LRAT: variants seen among roughly 807,000 people sequenced by gnomAD.
The protein encoded by LRAT is lecithin retinol acyltransferase.
In LRAT, 11 loss-of-function variants were observed where a neutral mutation model predicts 14.2. That is an observed-to-expected ratio of 0.78 (90% CI 0.49 to 1.29). The LOEUF is 1.29. LRAT is among the 50% of genes most tolerant of loss of function. The pLI, the probability that LRAT is intolerant of heterozygous loss-of-function variation, is 0.00. For synonymous variants in LRAT, 144 were observed against 124.8 expected, an observed-to-expected ratio of 1.15 and a Z score of -1.03; for missense variants, 274 against 292.4, an observed-to-expected ratio of 0.94 and a Z score of 0.46.
At chr4:154,743,239 G>T (rs1008386778), upstream of LRAT, among the ~76,000 whole-genome samples, 1 of 151,580 alleles carries the variant, frequency 6.6e-6, no homozygotes, top group Admixed American at 6.6e-5. Context: ...TAATCCCAGC[G>T]GTTTGGGAGG....
At position 154,753,055 on chromosome 4, in the gene LRAT, C is replaced by A. The variant is rs1265553077; in HGVS notation, c.*3919C>A. 6.6e-6 allele frequency: 1 copy of A among 152,152 alleles called. No individual in the cohort carries two copies. The highest frequency in any genetic ancestry group is 1.5e-5 in the Non-Finnish European group (1 of 68,024). The allele number at this position is 152,152 out of a possible 1,614,324, so 9.4% of individuals were successfully genotyped here. On this transcript the variant is annotated 3_prime_UTR_variant, in exon 3 of 3. Transcript: ENST00000336356. ...ATTTAGAGTTTTAACCAACCTAGAT[C>A]TGTCAGCTAAGCTAATTTTATATTT...
At chr4:154,748,921 G>GA (rs1283202039) in intron 2 of LRAT, 63 bp from the exon 3 acceptor site, 22 of 1,447,818 alleles carry the variant, frequency 1.5e-5, no homozygotes, top group South Asian at 4.6e-5. Flanking sequence ...TTTACTGTTT[G>GA]ATATATGTGA....
In LRAT at chr4:154,749,146, C is replaced by G; in HGVS notation, c.*10C>G. ...ATGGATGGCTGGCTAACTTCATACCCCCATGTCAGTGTGTGTATTCTGTAT... is the reference window on the plus strand; with the variant it reads ...ATGGATGGCTGGCTAACTTCATACCGCCATGTCAGTGTGTGTATTCTGTAT... On this transcript the variant is annotated 3_prime_UTR_variant, in exon 3 of 3. Coordinates refer to ENST00000336356, the MANE Select transcript of LRAT (RefSeq NM_004744.5). 1 of 1,611,634 alleles carries G rather than the reference C, an allele frequency of 6.2e-7. No individual in the cohort carries two copies. The highest frequency in any genetic ancestry group is 8.5e-7 in the Non-Finnish European group (1 of 1,177,936).
At chr4:154,746,311 A>G (rs1732884436) in intron 2 of LRAT, among the ~76,000 whole-genome samples, 2 of 152,086 alleles carry the variant, frequency 1.3e-5, no homozygotes, top group Admixed American at 6.6e-5. Context: ...ATTGCTCCAC[A>G]TCTTGGTTAA....
Position 154,744,823 on chromosome 4 carries a change from C to T in LRAT, c.497C>T (p.Thr166Ile), listed in dbSNP as rs749900934. The T allele has an allele frequency of 6.2e-7, 1 of 1,613,892 alleles. No homozygotes were observed. Among genetic ancestry groups the T allele is most frequent in the Admixed American group, 1.7e-5 (1 of 60,024 alleles). ...LLWNNCEHFVTYCRYGTPISP... is the reference protein window; with the variant it reads ...LLWNNCEHFVIYCRYGTPISP... ...TGGAACAACTGCGAGCACTTCGTGA[C>T]CTACTGCAGATATGGCACCCCGATC... Residue 166 changes from threonine to isoleucine, a missense_variant, in exon 2 of 3, where the codon ACC becomes ATC. Physicochemically the swap from Thr to Ile is moderately conservative, Grantham distance 89. Coordinates refer to ENST00000336356, the MANE Select transcript of LRAT (RefSeq NM_004744.5).
intron 2 of LRAT, among the ~76,000 whole-genome samples, chr4:154,745,213 G>A (rs1560871547): frequency 1.3e-5 from 2 of 151,696 alleles, no homozygotes; most frequent in Non-Finnish European, 2.9e-5. Flanking sequence ...AGTAGAGATG[G>A]GGTTTCACCG....
chr4:154,741,597 G>A (rs1019051126), upstream of LRAT, among the ~76,000 whole-genome samples: 5 of 151,990 alleles, frequency 3.3e-5, no homozygotes, highest in African/African-American at 1.2e-4. Context: ...GCCTCGTATC[G>A]CTCTCACCTC....
At position 154,744,000 on chromosome 4, in the gene LRAT, G is replaced by A. The variant is rs557678033; in HGVS notation, c.-224G>A. 23 of 364,430 alleles carry A rather than the reference G, an allele frequency of 6.3e-5. No individual in the cohort carries two copies. The highest frequency in any genetic ancestry group is 1.0e-4 in the Non-Finnish European group (20 of 194,576). 22.6% of individuals were successfully genotyped at this position (364,430 alleles called of 1,614,324 possible). A position where few individuals can be genotyped will look rare whatever the true frequency, so the allele number is the denominator to read the frequency against. The stretch of plus-strand genomic sequence containing the variant: ...AAGTCGCAGCGAAGCCTGCACCTCC[G>A]AGCACCGCGCGCGGCCCTGCCCCCG... On this transcript the variant is annotated 5_prime_UTR_variant, in exon 1 of 3. Transcript: ENST00000336356.
At chr4:154,741,308 G>C (rs918972390), upstream of LRAT, among the ~76,000 whole-genome samples, 2 of 152,028 alleles carry the variant, frequency 1.3e-5, no homozygotes, top group African/African-American at 4.8e-5. Context: ...AAGAGTTCTG[G>C]GAAGACTTCA....
chr4:154,741,432 G>A (rs1732766909), upstream of LRAT, among the ~76,000 whole-genome samples: 1 of 152,172 alleles, frequency 6.6e-6, no homozygotes, highest in South Asian at 2.1e-4. Context: ...ATTCCACTGA[G>A]CAAAATAAAT....
At chr4:154,745,690 A>G (rs1263184358) in intron 2 of LRAT, 1 of 152,264 alleles carries the variant, frequency 6.6e-6, no homozygotes, top group Non-Finnish European at 1.5e-5. Context: ...ATAAGGAACC[A>G]TGCAGTTTTC....
At chr4:154,741,507 A>G (rs898675670), upstream of LRAT, among the ~76,000 whole-genome samples, 1 of 152,184 alleles carries the variant, frequency 6.6e-6, no homozygotes, top group Admixed American at 6.5e-5. Context: ...ATATCCTTCA[A>G]GAAACTATGG....
chr4:154,745,670 T>A (rs1422865912), intron 2 of LRAT: 1 of 152,234 alleles, frequency 6.6e-6, no homozygotes, highest in Non-Finnish European at 1.5e-5. Context: ...ACAAAGTGTG[T>A]GCCTTTAAAA....
chr4:154,741,989 G>C (rs1385324457), upstream of LRAT, among the ~76,000 whole-genome samples: 1 of 152,060 alleles, frequency 6.6e-6, no homozygotes, highest in Non-Finnish European at 1.5e-5. Context: ...TTTGGCCCGT[G>C]ACACAAGAGG....
rs1732997226 is a variant in LRAT at position 154,751,732 on chromosome 4, T to TC, written c.*2597dup. ...CTGGGCAACAAAGTGAGACTCCATC[T>TC]CAAAAAAAAAAAAAAAAAAAAAAAA... On this transcript the variant is annotated 3_prime_UTR_variant, in exon 3 of 3. Coordinates refer to ENST00000336356, the MANE Select transcript of LRAT (RefSeq NM_004744.5). 2 of 12,760 alleles carry TC rather than the reference T, an allele frequency of 1.6e-4. No homozygotes were observed. The highest frequency in any genetic ancestry group is 3.0e-4 in the Non-Finnish European group (2 of 6,570). 0.8% of individuals were successfully genotyped at this position (12,760 alleles called of 1,614,324 possible).
chr4:154,745,020 T>C (rs1468668619), intron 2 of LRAT, among the ~76,000 whole-genome samples, 154 bp downstream of exon 2: 3 of 129,012 alleles, frequency 2.3e-5, no homozygotes, highest in African/African-American at 8.8e-5. Flanking sequence ...TTTTTTTTTT[T>C]TTTTTTTTTT....
chr4:154,744,626 C>T lies in LRAT; in HGVS notation c.300C>T (p.Gly100=), dbSNP rs770608706. ...KVVSNKRLIL[G]VIVKVASIRV... The stretch of plus-strand genomic sequence containing the variant: ...TCTCCAACAAGCGTCTCATCCTGGG[C>T]GTTATTGTCAAAGTGGCCAGCATCC... Residue 100 remains glycine (G), a synonymous_variant, in exon 2 of 3, where the codon GGC becomes GGT. Coordinates refer to ENST00000336356, the MANE Select transcript of LRAT (RefSeq NM_004744.5). 8.2e-5 allele frequency: 132 copies of T among 1,614,024 alleles called. No homozygotes were observed. The highest frequency in any genetic ancestry group is 1.1e-4 in the Non-Finnish European group (124 of 1,180,014).
At chr4:154,741,960 C>G (rs1732776499), upstream of LRAT, among the ~76,000 whole-genome samples, 1 of 152,118 alleles carries the variant, frequency 6.6e-6, no homozygotes, top group African/African-American at 2.4e-5. Context: ...ATCACGTTTC[C>G]TTTCATCTCC....
chr4:154,745,826 T>C (rs1234379058), intron 2 of LRAT, among the ~76,000 whole-genome samples: 3 of 152,174 alleles, frequency 2.0e-5, no homozygotes, highest in East Asian at 1.9e-4. Context: ...GTATTTTCCA[T>C]GGTATTCTGA....
Sources: gnomAD v4.1 joint callset for allele counts (sites outside exome capture counted in the v4.1 genomes callset) on GRCh38, gnomAD v4.1.1 for gene constraint, MANE v1.5 for transcripts, NCBI Gene and HGNC (gene_info 2026-07-23, HGNC 2026-07-21) for gene names.